Variants in SCFD2 observed in about 807,000 individuals in gnomAD.
SCFD2 encodes the protein sec1 family domain containing 2, also known as sec1 family domain-containing protein 2.
Under a neutral mutation model 58.9 loss-of-function variants are expected in SCFD2, and 54 were observed. The ratio of observed to expected loss-of-function variants is 0.92; its 90% confidence interval spans 0.74 to 1.15. The LOEUF is 1.15. Ranked by LOEUF, SCFD2 falls within the 50% of genes most tolerant of loss-of-function variation. The probability of loss-of-function intolerance (pLI) is 0.00; values close to 1 mark genes in which losing one functional copy is unlikely to be tolerated. For missense variants in SCFD2, 805 were observed against 836.6 expected (o/e 0.96, Z 0.47); for synonymous variants, 321 against 335.9 (o/e 0.96, Z 0.49).
intron 4 of SCFD2, among the ~76,000 whole-genome samples, chr4:53,180,764 A>C (rs1016250970): frequency 2.6e-5 from 4 of 152,202 alleles, no homozygotes; most frequent in African/African-American, 7.2e-5. Flanking sequence ...AGCAAGACTA[A>C]TAAAGAAGAA....
At chr4:52,913,491 C>T (rs980145013) in intron 6 of SCFD2, among the ~76,000 whole-genome samples, 5 of 152,168 alleles carry the variant, frequency 3.3e-5, no homozygotes, top group African/African-American at 7.2e-5. Context: ...TCCCATCACC[C>T]GTAGACAGGA....
At chr4:53,353,080 C>A (rs10012682) in intron 1 of SCFD2, among the ~76,000 whole-genome samples, 16,996 of 152,154 alleles carry the variant, frequency 0.11, 1,735 homozygotes, top group South Asian at 0.28. Context: ...AAGCCGCAGA[C>A]CCTCAACGGT....
In SCFD2 at chr4:53,077,891, A is replaced by G. The variant is rs561881076; in HGVS notation, c.1561+67442T>C. ...TAGTTTACTGGATTTTATGTCTAAA[A>G]TACATAGCACTTTTCTTGGTGATAA... On this transcript the variant is annotated intron_variant, in intron 5 of 8. Transcript: ENST00000401642. Among the ~76,000 whole-genome samples, 49 of 152,278 alleles carry G rather than the reference A, an allele frequency of 3.2e-4. 1 individual carries two copies. Among genetic ancestry groups the G allele is most frequent in the Middle Eastern group, 3.4e-3 (1 of 294 alleles).
chr4:53,332,217 A>G (rs1006088029), intron 2 of SCFD2, among the ~76,000 whole-genome samples: 5 of 151,112 alleles, frequency 3.3e-5, no homozygotes, highest in Admixed American at 3.3e-4. Context: ...AATCAATAGA[A>G]AAAGAGGGAA....
chr4:53,042,737 G>A (rs1722931434), intron 5 of SCFD2, among the ~76,000 whole-genome samples: 1 of 151,436 alleles, frequency 6.6e-6, no homozygotes. Flanking sequence ...TTATCCTAAT[G>A]TCCTCCACTT....
At chr4:53,016,470 A>T (rs1169927953) in intron 5 of SCFD2, among the ~76,000 whole-genome samples, 1 of 152,240 alleles carries the variant, frequency 6.6e-6, no homozygotes, top group Non-Finnish European at 1.5e-5. Flanking sequence ...AAGAAAAATT[A>T]GACCAACGGT....
intron 4 of SCFD2, among the ~76,000 whole-genome samples, chr4:53,246,973 C>T: frequency 7.3e-6 from 1 of 136,556 alleles, no homozygotes; most frequent in South Asian, 2.4e-4. Context: ...TGTCCAACAT[C>T]TGTAAGGAAC....
chr4:52,914,511 T>C (rs144190237), intron 6 of SCFD2, among the ~76,000 whole-genome samples: 3 of 152,182 alleles, frequency 2.0e-5, no homozygotes, highest in East Asian at 1.9e-4. Flanking sequence ...TGGATGGTCA[T>C]AGGGACTACT....
At chr4:53,093,937 T>C (rs1437392187) in intron 5 of SCFD2, among the ~76,000 whole-genome samples, 2 of 152,086 alleles carry the variant, frequency 1.3e-5, no homozygotes, top group African/African-American at 4.8e-5. Context: ...TTTTGAACTA[T>C]GTAACTAAAA....
intron 1 of SCFD2, among the ~76,000 whole-genome samples, chr4:53,360,135 G>C (rs982937528): frequency 1.3e-5 from 2 of 152,154 alleles, no homozygotes; most frequent in African/African-American, 4.8e-5. Context: ...CAAAAGGTTT[G>C]ACAATACAGC....
chr4:53,119,467 C>T (rs143851149), intron 5 of SCFD2, among the ~76,000 whole-genome samples: 385 of 152,038 alleles, frequency 2.5e-3, no homozygotes, highest in African/African-American at 8.8e-3. Context: ...GGCGACAGAA[C>T]GAGACTGTTT....
rs78063213 is a variant in SCFD2 at position 53,134,533 on chromosome 4, G to A, written c.1561+10800C>T. Among the ~76,000 whole-genome samples, 74 of 152,244 alleles carry A rather than the reference G, an allele frequency of 4.9e-4. No homozygotes were observed. In the East Asian group the frequency reaches 5.8e-3, roughly 12 times the overall value. On this transcript the variant is annotated intron_variant, in intron 5 of 8. Transcript: ENST00000401642. The stretch of plus-strand genomic sequence containing the variant: ...AAGTTGATGATAATTTTTAAAAAGC[G>A]TGGTTCACTACAAAGGTAATTTATA...
intron 4 of SCFD2, among the ~76,000 whole-genome samples, chr4:53,200,514 C>A (rs1728197510): frequency 1.3e-5 from 2 of 152,044 alleles, no homozygotes; most frequent in Non-Finnish European, 2.9e-5. Flanking sequence ...TAAGCACTGT[C>A]TCTACAACTA....
At chr4:53,322,462 G>A (rs911057369) in intron 2 of SCFD2, among the ~76,000 whole-genome samples, 1 of 152,024 alleles carries the variant, frequency 6.6e-6, no homozygotes, top group African/African-American at 2.4e-5. Flanking sequence ...AGATAACAAC[G>A]TATTAACTGT....
At chr4:52,894,315 A>T (rs1428630237) in intron 7 of SCFD2, among the ~76,000 whole-genome samples, 1 of 152,208 alleles carries the variant, frequency 6.6e-6, no homozygotes, top group East Asian at 1.9e-4. Flanking sequence ...CACCCTTCTC[A>T]TGTCAATTTT....
intron 5 of SCFD2, among the ~76,000 whole-genome samples, chr4:52,991,393 G>A (rs1721609918): frequency 6.6e-6 from 1 of 152,102 alleles, no homozygotes; most frequent in African/African-American, 2.4e-5. Flanking sequence ...TGTTGATTTC[G>A]AAGTCCACAT....
chr4:53,237,664 C>G (rs1470200369), intron 4 of SCFD2, among the ~76,000 whole-genome samples: 25 of 139,028 alleles, frequency 1.8e-4, no homozygotes, highest in African/African-American at 6.2e-4. Context: ...CACCTCCCTC[C>G]CGGACGGGGC....
At chr4:53,198,428 C>T (rs895665774) in intron 4 of SCFD2, among the ~76,000 whole-genome samples, 1 of 151,728 alleles carries the variant, frequency 6.6e-6, no homozygotes, top group African/African-American at 2.4e-5. Context: ...ATTTTATAGA[C>T]ACATAATCTA....
At chr4:53,229,774 A>G (rs1729366406) in intron 4 of SCFD2, among the ~76,000 whole-genome samples, 1 of 152,244 alleles carries the variant, frequency 6.6e-6, no homozygotes, top group Non-Finnish European at 1.5e-5. Context: ...GACAAATGGG[A>G]TCTCATTAAA....
Sources: gnomAD v4.1 joint callset for allele counts (sites outside exome capture counted in the v4.1 genomes callset) on GRCh38, gnomAD v4.1.1 for gene constraint, MANE v1.5 for transcripts, NCBI Gene and HGNC (gene_info 2026-07-23, HGNC 2026-07-21) for gene names.